TTLL12: variants seen among roughly 807,000 people sequenced by gnomAD.
TTLL12 encodes tubulin tyrosine ligase like 12, also known as tubulin--tyrosine ligase-like protein 12.
Under a neutral mutation model 79.6 loss-of-function variants are expected in TTLL12, and 77 were observed. The ratio of observed to expected loss-of-function variants is 0.97; its 90% CI spans 0.81 to 1.17. The LOEUF is 1.17. TTLL12 is among the 50% of genes most tolerant of loss of function. TTLL12 has a pLI of 0.00. For missense variants in TTLL12, 969 were observed against 895.9 expected (o/e 1.08, Z -1.04); for synonymous variants, 437 against 376.1 (o/e 1.16, Z -1.87).
intron 10 of TTLL12, 44 bp from the exon 11 acceptor site, chr22:43,171,944 T>C: frequency 6.4e-7 from 1 of 1,574,010 alleles, no homozygotes; most frequent in South Asian, 1.1e-5. Context: ...TTGAGCGGCC[T>C]TGTCCCTGCG....
chr22:43,176,336 G>A lies in TTLL12; in HGVS notation c.901C>T (p.His301Tyr), dbSNP rs370892309. The change falls in exon 6 of 14, where the codon CAC becomes TAC. Residue 301 changes from histidine to tyrosine, a missense_variant. Coordinates refer to ENST00000216129, the MANE Select transcript of TTLL12 (RefSeq NM_015140.4). ...GCTACGCACTTGAAGATGTGGCCGTGGGGGTGCACCACGGGGTTGATGTCA... is the reference window on the plus strand; with the variant it reads ...GCTACGCACTTGAAGATGTGGCCGTAGGGGTGCACCACGGGGTTGATGTCA... ...PLDINPVVHP[H>Y]GHIFKVYTDV... is the part of the protein sequence containing the mutation. The A allele has an allele frequency of 4.4e-6, 7 of 1,600,996 alleles. No individual in the cohort carries two copies. In the African/African-American group the frequency reaches 5.3e-5, roughly 12 times the overall value.
rs1356814010 is a variant in TTLL12, at chr22:43,167,856, C to T, written c.*152G>A. ...AGGATGCTGTGCTCCCGGAGTGTGG[C>T]GCCGGGAGGATGGCTCGGCAGGACA... On this transcript the variant is annotated 3_prime_UTR_variant, in exon 14 of 14. Coordinates refer to ENST00000216129, the MANE Select transcript of TTLL12 (RefSeq NM_015140.4). 18 of 937,416 alleles carry T rather than the reference C, an allele frequency of 1.9e-5. No homozygotes were observed. The highest frequency in any genetic ancestry group is 2.5e-5 in the Admixed American group (1 of 40,248). 58.1% of individuals were successfully genotyped at this position (937,416 alleles called of 1,614,324 possible).
In TTLL12 at chr22:43,187,019, C is replaced by T. The variant is rs919440366; in HGVS notation, c.51G>A (p.Pro17=). The change falls in exon 1 of 14, where the codon CCG becomes CCA. Residue 17 remains proline (P), a synonymous_variant. Coordinates refer to ENST00000216129, the MANE Select transcript of TTLL12 (RefSeq NM_015140.4). ...PERRPAERSS[P]GQTPEEGAQA... ...GCGCGCCCTCCTCCGGCGTCTGGCC[C>T]GGGCTGCTACGCTCCGCAGGCCGGC... 2.4e-6 allele frequency: 3 copies of T among 1,234,204 alleles called. No individual in the cohort carries two copies. Among genetic ancestry groups the T allele is most frequent in the South Asian group, 2.8e-5 (1 of 35,222 alleles). The allele number at this position is 1,234,204 out of a possible 1,614,324, so 76.5% of individuals were successfully genotyped here.
In TTLL12 at chr22:43,174,633, G is replaced by A. The variant is rs773773429; in HGVS notation, c.918-18C>T. 6.4e-7 allele frequency: 1 copy of A among 1,571,360 alleles called. No individual in the cohort carries two copies. The highest frequency in any genetic ancestry group is 8.7e-7 in the Non-Finnish European group (1 of 1,151,420). On this transcript the variant is annotated intron_variant, in intron 6 of 13. Coordinates refer to ENST00000216129, the MANE Select transcript of TTLL12 (RefSeq NM_015140.4). ...TGTAGACCCTGTGGGGAGAGCCCGAGCTGGGTGATCCCGGCTCCCAAGTGT... is the reference window on the plus strand; with the variant it reads ...TGTAGACCCTGTGGGGAGAGCCCGAACTGGGTGATCCCGGCTCCCAAGTGT...
intron 3 of TTLL12, 94 bp from the exon 4 acceptor site, chr22:43,180,094 A>G (rs184355551): frequency 1.3e-4 from 179 of 1,431,120 alleles, no homozygotes; most frequent in Non-Finnish European, 1.6e-4. Context: ...GCCCACAGCC[A>G]TTTCTCTGAT....
intron 1 of TTLL12, chr22:43,185,870 T>G (rs958101391): frequency 2.5e-6 from 2 of 793,060 alleles, no homozygotes; most frequent in Admixed American, 1.2e-4. Flanking sequence ...AGCACAGGCC[T>G]GGGACCAGAG....
At position 43,176,360 on chromosome 22, in the gene TTLL12, C is replaced by G. The variant is rs752566196; in HGVS notation, c.877G>C (p.Asp293His). 2.5e-6 allele frequency: 4 copies of G among 1,605,496 alleles called. No homozygotes were observed. Among genetic ancestry groups the G allele is most frequent in the East Asian group, 4.5e-5 (2 of 44,588 alleles). ...TGGGGGTGCACCACGGGGTTGATGT[C>G]AAGTGGCAGCTTCTCCTTGTTTTCC... is the stretch of plus-strand genomic sequence containing the variant. ...LEENKEKLPL[D>H]INPVVHPHGH... Residue 293 changes from aspartate (D) to histidine (H), a missense_variant, in exon 6 of 14, where the codon GAC becomes CAC. Asp to His is a moderately conservative substitution (Grantham distance 81, BLOSUM62 -1). Transcript: ENST00000216129.
chr22:43,186,607 A>C (rs1932191179), intron 1 of TTLL12, among the ~76,000 whole-genome samples: 1 of 151,794 alleles, frequency 6.6e-6, no homozygotes, highest in Admixed American at 6.6e-5. Flanking sequence ...GATGAGTTTC[A>C]CTCCTCGCAG....
rs1340276012 is a variant in TTLL12, at chr22:43,168,847, G to A, written c.1710C>T (p.Gly570=). 1 of 1,606,442 alleles carries A rather than the reference G, an allele frequency of 6.2e-7. No individual in the cohort carries two copies. The highest frequency in any genetic ancestry group is 8.5e-7 in the Non-Finnish European group (1 of 1,177,002). ...CCCGGGATGAGGGGTAGTCGCAGAG[G>A]CCCAGGGGTGGTGGCTTGGCACAGG... ...QVACAKPPPL[G]LCDYPSSRAM... Residue 570 remains glycine, a synonymous_variant, in exon 13 of 14, where the codon GGC becomes GGT. Coordinates refer to ENST00000216129, the MANE Select transcript of TTLL12 (RefSeq NM_015140.4).
chr22:43,167,294 C>T lies in TTLL12; in HGVS notation c.*714G>A, dbSNP rs1284655701. ...AGGGCAACCACTGGGAAGACAGATA[C>T]TGATTTCCCTGTTGGGGTCTGTGAC... is the stretch of plus-strand genomic sequence containing the variant. On this transcript the variant is annotated 3_prime_UTR_variant, in exon 14 of 14. Transcript: ENST00000216129. 4 of 462,494 alleles carry T rather than the reference C, an allele frequency of 8.6e-6. No homozygotes were observed. The highest frequency in any genetic ancestry group is 4.8e-5 in the Admixed American group (2 of 41,630). The allele number at this position is 462,494 out of a possible 1,614,324, so 28.6% of individuals were successfully genotyped here. A position where few individuals can be genotyped will look rare whatever the true frequency, so the allele number is the denominator to read the frequency against.
At chr22:43,180,522 A>C (rs1392996281) in intron 3 of TTLL12, among the ~76,000 whole-genome samples, 3 of 152,178 alleles carry the variant, frequency 2.0e-5, no homozygotes, top group African/African-American at 7.2e-5. Flanking sequence ...CGGCTGAGTC[A>C]TCTGGGCCCC....
At chr22:43,179,472 TCA>T (rs950635250) in intron 5 of TTLL12, 145 bp downstream of exon 5, 58 of 1,177,556 alleles carry the variant, frequency 4.9e-5, no homozygotes, top group Admixed American at 6.2e-5. Flanking sequence ...CCCTCGTCTC[TCA>T]GAGGCTCCCA....
chr22:43,172,357 G>A (rs374073574), intron 10 of TTLL12, 46 bp downstream of exon 10: 30 of 1,601,530 alleles, frequency 1.9e-5, no homozygotes, highest in Middle Eastern at 1.7e-4. Context: ...ACCTCCACCC[G>A]GTCACCCAGC....
rs761536038 is a variant in TTLL12, at chr22:43,176,286, G to A, written c.917+34C>T. The A allele has an allele frequency of 3.3e-6, 5 of 1,508,780 alleles. No individual in the cohort carries two copies. The African/African-American group carries it at 4.1e-5, about 13-fold the overall frequency. 93.5% of individuals were successfully genotyped at this position (1,508,780 alleles called of 1,614,324 possible). A position where few individuals can be genotyped will look rare whatever the true frequency, so the allele number is the denominator to read the frequency against. On this transcript the variant is annotated intron_variant, in intron 6 of 13. Transcript: ENST00000216129. Reference sequence around the variant, plus strand: ...CATGGGAGGCGGGGACTGCGGACAAGTCCCAGCCCAAGCAGTGGGGGGGGG... The same window carrying A: ...CATGGGAGGCGGGGACTGCGGACAAATCCCAGCCCAAGCAGTGGGGGGGGG...
At chr22:43,169,057 A>T in intron 12 of TTLL12, 145 bp from the exon 13 acceptor site, 1 of 1,087,862 alleles carries the variant, frequency 9.2e-7, no homozygotes, top group Non-Finnish European at 1.3e-6. Flanking sequence ...CACCATGGCC[A>T]CCTCCGCCCA....
chr22:43,183,071 C>A lies in TTLL12; in HGVS notation c.256G>T (p.Val86Leu), dbSNP rs765617531. The change falls in exon 2 of 14, where the codon GTG becomes TTG. Residue 86 changes from valine (V) to leucine (L), a missense_variant. Coordinates refer to ENST00000216129, the MANE Select transcript of TTLL12 (RefSeq NM_015140.4). ...CCCGGGTTGGGCTGCTGCTTCCGCACCTCCCGGGCTGCCTCGTCCTCCTCC... is the reference window on the plus strand; with the variant it reads ...CCCGGGTTGGGCTGCTGCTTCCGCAACTCCCGGGCTGCCTCGTCCTCCTCC... ...EEEEDEAARE[V>L]RKQQPNPGNE... The A allele has an allele frequency of 3.0e-5, 48 of 1,614,030 alleles. 2 individuals are homozygous for A. The East Asian group carries it at 9.6e-4, about 32-fold the overall frequency.
At chr22:43,176,173 C>T (rs746812092) in intron 6 of TTLL12, 147 bp downstream of exon 6, 40 of 646,942 alleles carry the variant, frequency 6.2e-5, no homozygotes, top group Middle Eastern at 4.0e-4. Context: ...ACTCCCTGCA[C>T]GTGTCACTGC....
chr22:43,171,791 C>A (rs1270360624), intron 11 of TTLL12, 28 bp downstream of exon 11: 1 of 1,607,636 alleles, frequency 6.2e-7, no homozygotes, highest in Admixed American at 1.7e-5. Context: ...TCTGTGTGAA[C>A]CTGCTCTGCA....
intron 6 of TTLL12, chr22:43,175,271 C>A (rs950634484): frequency 6.6e-6 from 1 of 152,338 alleles, no homozygotes; most frequent in Non-Finnish European, 1.5e-5. Context: ...GGGTCCTCAC[C>A]TGTGCCTGCT....
Sources: allele counts gnomAD v4.1 joint callset (sites outside exome capture counted in the v4.1 genomes callset), GRCh38; gene constraint gnomAD v4.1.1; transcripts MANE v1.5; gene names NCBI Gene and HGNC (gene_info 2026-07-23, HGNC 2026-07-21).